Variants in NBEA observed in about 807,000 individuals in gnomAD.
The protein encoded by NBEA is neurobeachin.
In NBEA, 44 loss-of-function variants were observed where a neutral mutation model predicts 343.4. The observed-to-expected ratio is 0.13, with a 90% CI of 0.10 to 0.16. The LOEUF (loss-of-function observed/expected upper bound fraction) is 0.16, where lower values mean the gene tolerates loss of function less well. Ranked by LOEUF, NBEA falls within the 10% of genes least tolerant of loss-of-function variation. The pLI, the probability that NBEA is intolerant of heterozygous loss-of-function variation, is 1.00. For synonymous variants in NBEA, 1,175 were observed against 1,238.7 expected (o/e 0.95, Z 1.08); for missense variants, 2,555 against 3,631.3 (o/e 0.70, Z 7.62).
rs1164491156 is a variant in NBEA, at chr13:35,132,192, C to G, written c.2336+8618C>G. On this transcript the variant is annotated intron_variant, in intron 17 of 58. Transcript: ENST00000379939. ...TATTATTTTGAGATGGAGTCTCACT[C>G]TATTACCCAGGCTGGAGTATAGTGG... Among the ~76,000 whole-genome samples, 5 of 152,254 alleles carry G rather than the reference C, an allele frequency of 3.3e-5. No homozygotes were observed. The South Asian group carries it at 1.0e-3, about 32-fold the overall frequency.
intron 17 of NBEA, among the ~76,000 whole-genome samples, chr13:35,124,268 T>G (rs529282109): frequency 1.3e-5 from 2 of 150,732 alleles, no homozygotes; most frequent in East Asian, 3.9e-4. Flanking sequence ...TTTTTTTTTT[T>G]GGTGCTTACT....
chr13:35,649,872 T>C, intron 52 of NBEA, 25 bp downstream of exon 52: 1 of 1,599,896 alleles, frequency 6.3e-7, no homozygotes, highest in Non-Finnish European at 8.5e-7. Flanking sequence ...GCAAATCACT[T>C]ACTAAAGATT....
At chr13:35,285,890 TCCTTCACAG>T (rs1455783530) in intron 34 of NBEA, among the ~76,000 whole-genome samples, 3 of 152,146 alleles carry the variant, frequency 2.0e-5, no homozygotes, top group Admixed American at 6.6e-5. Flanking sequence ...CTTCCTTTCA[TCCTTCACAG>T]CCTACGACAT....
intron 35 of NBEA, among the ~76,000 whole-genome samples, chr13:35,291,275 A>C (rs73169719): frequency 0.053 from 7,980 of 151,942 alleles, 228 homozygotes; most frequent in South Asian, 0.079. Flanking sequence ...AGCTATTCCT[A>C]ATTACTGGCC....
chr13:35,182,787 T>C (rs527669528), intron 29 of NBEA, among the ~76,000 whole-genome samples: 1 of 152,098 alleles, frequency 6.6e-6, no homozygotes, highest in Non-Finnish European at 1.5e-5. Flanking sequence ...CATTAATTTA[T>C]ACCACTATTT....
chr13:35,535,248 G>A lies in NBEA; in HGVS notation c.6586-15229G>A, dbSNP rs555043913. On this transcript the variant is annotated intron_variant, in intron 41 of 58. Coordinates refer to ENST00000379939, the MANE Select transcript of NBEA (RefSeq NM_001385012.1). Reference sequence around the variant, plus strand: ...TGGCGGCAGAAGCAAAAACACCATGGGAAATTCAGTAGGTGCATTGTGTAG... The same window carrying A: ...TGGCGGCAGAAGCAAAAACACCATGAGAAATTCAGTAGGTGCATTGTGTAG... 5.8e-4 allele frequency among the ~76,000 whole-genome samples: 88 copies of A among 152,268 alleles called. 1 individual carries two copies. The highest frequency in any genetic ancestry group is 2.0e-3 in the African/African-American group (85 of 41,556).
At chr13:35,047,469 C>A (rs553615519) in intron 4 of NBEA, among the ~76,000 whole-genome samples, 30 of 151,802 alleles carry the variant, frequency 2.0e-4, no homozygotes, top group African/African-American at 7.0e-4. Context: ...AGGTTGAAGT[C>A]CAGAAAAGCT....
chr13:35,051,317 A>G (rs2063058216), intron 6 of NBEA, among the ~76,000 whole-genome samples: 1 of 152,056 alleles, frequency 6.6e-6, no homozygotes, highest in Non-Finnish European at 1.5e-5. Context: ...TGGTACAATC[A>G]TAACAGATAT....
intron 1 of NBEA, among the ~76,000 whole-genome samples, chr13:34,988,892 G>A (rs2060653251): frequency 2.0e-5 from 3 of 150,622 alleles, no homozygotes. Flanking sequence ...AAAATCCATT[G>A]TGACATTCAG....
chr13:35,202,137 T>G (rs2073064759), intron 31 of NBEA, among the ~76,000 whole-genome samples: 1 of 152,154 alleles, frequency 6.6e-6, no homozygotes, highest in Non-Finnish European at 1.5e-5. Flanking sequence ...TACTATTAAA[T>G]TTTTGTATGC....
intron 41 of NBEA, among the ~76,000 whole-genome samples, chr13:35,533,911 A>C (rs1220289817): frequency 1.3e-5 from 2 of 152,204 alleles, no homozygotes; most frequent in African/African-American, 4.8e-5. Context: ...AATAACCTCT[A>C]TATATGGAGA....
chr13:35,182,279 A>C (rs2071368719), intron 28 of NBEA, 81 bp from the exon 29 acceptor site: 1 of 1,274,808 alleles, frequency 7.8e-7, no homozygotes, highest in African/African-American at 1.6e-5. Context: ...CATAAAGATA[A>C]TAAAATAGCA....
intron 31 of NBEA, among the ~76,000 whole-genome samples, chr13:35,206,737 T>G (rs1164691161): frequency 1.3e-5 from 2 of 152,108 alleles, no homozygotes; most frequent in African/African-American, 4.8e-5. Context: ...ATCTCCCCAA[T>G]TGTATGCGAA....
chr13:35,281,708 A>G (rs148419447), intron 34 of NBEA, among the ~76,000 whole-genome samples: 1 of 152,204 alleles, frequency 6.6e-6, no homozygotes, highest in East Asian at 1.9e-4. Context: ...GCTTTTTTGA[A>G]TACAAAAATA....
intron 41 of NBEA, among the ~76,000 whole-genome samples, chr13:35,511,327 G>A (rs1238833982): frequency 1.3e-5 from 2 of 152,166 alleles, no homozygotes; most frequent in Non-Finnish European, 2.9e-5. Context: ...ACCACATAAG[G>A]ACTTTTAAAA....
intron 1 of NBEA, among the ~76,000 whole-genome samples, chr13:34,998,762 C>A (rs1005686738): frequency 7.2e-5 from 11 of 152,042 alleles, no homozygotes; most frequent in African/African-American, 2.7e-4. Context: ...TTCAAACACA[C>A]ATGCTGTACA....
chr13:35,098,435 T>G, intron 11 of NBEA, 30 bp downstream of exon 11: 4 of 1,475,038 alleles, frequency 2.7e-6, no homozygotes, highest in Non-Finnish European at 3.7e-6. Flanking sequence ...GGTTTTATTG[T>G]GTAGCTTCAC....
chr13:34,992,904 C>T (rs1260711306), intron 1 of NBEA, among the ~76,000 whole-genome samples: 4 of 149,464 alleles, frequency 2.7e-5, no homozygotes, highest in African/African-American at 2.5e-5. Flanking sequence ...AGGATGGTCT[C>T]GGTCTCTTGA....
chr13:35,159,345 T>C lies in NBEA; in HGVS notation c.3174T>C (p.Asp1058=), dbSNP rs778759145. ...TGGAAGTACATGATCTTTTAGTAGA[T>C]ATAAAAGCAGAGAAAGTGGAAGCAA... ...VHVEVHDLLV[D]IKAEKVEATE... is the part of the protein sequence containing the mutation. The change falls in exon 22 of 59, where the codon GAT becomes GAC. Residue 1058 remains aspartate (D), a synonymous_variant. Transcript: ENST00000379939. 5.0e-6 allele frequency: 8 copies of C among 1,613,340 alleles called. No individual in the cohort carries two copies. Among genetic ancestry groups the C allele is most frequent in the Non-Finnish European group, 6.8e-6 (8 of 1,179,666 alleles).
Sources: gnomAD v4.1 joint callset for allele counts (sites outside exome capture counted in the v4.1 genomes callset) on GRCh38, gnomAD v4.1.1 for gene constraint, MANE v1.5 for transcripts, NCBI Gene and HGNC (gene_info 2026-07-23, HGNC 2026-07-21) for gene names.